Variants in NRG3 observed in about 807,000 individuals in gnomAD.
NRG3 encodes neuregulin 3.
NRG3 carries 31 observed loss-of-function variants against 66.9 expected under a neutral mutation model. That is an observed-to-expected ratio of 0.46 (90% CI 0.35 to 0.63). NRG3 has a LOEUF of 0.63. Ranked by LOEUF, NRG3 falls within the 20% of genes least tolerant of loss-of-function variation. The pLI is 0.00. For synonymous variants in NRG3, 393 were observed against 359.4 expected, an observed-to-expected ratio of 1.09 and a Z score of -1.06; for missense variants, 910 against 878.9, an observed-to-expected ratio of 1.04 and a Z score of -0.45.
chr10:81,943,026 A>T (rs1329004581), intron 1 of NRG3, among the ~76,000 whole-genome samples: 5 of 152,092 alleles, frequency 3.3e-5, no homozygotes, highest in Non-Finnish European at 7.4e-5. Context: ...TGTGTCACAT[A>T]ATTTACCTTA....
Position 82,292,045 on chromosome 10 carries a change from C to G in NRG3, c.824-66694C>G, listed in dbSNP as rs544591295. Among the ~76,000 whole-genome samples, 3 of 152,176 alleles carry G rather than the reference C, an allele frequency of 2.0e-5. No individual in the cohort carries two copies. The East Asian group carries it at 5.8e-4, about 29-fold the overall frequency. The stretch of plus-strand genomic sequence containing the variant: ...AAAGAATGAAAAAACAAAGTAAAGA[C>G]TGGGGGAAAATATTTGCAAACCACA... On this transcript the variant is annotated intron_variant, in intron 1 of 8. Transcript: ENST00000372141.
intron 3 of NRG3, among the ~76,000 whole-genome samples, chr10:82,766,828 T>A (rs1424375835): frequency 5.3e-5 from 8 of 151,880 alleles, no homozygotes; most frequent in South Asian, 2.1e-4. Flanking sequence ...GTCTTTTTTT[T>A]AATCTCTCTT....
chr10:82,823,483 C>T lies in NRG3; in HGVS notation c.1028-41928C>T, dbSNP rs542644132. On this transcript the variant is annotated intron_variant, in intron 3 of 8. Transcript: ENST00000372141. The stretch of plus-strand genomic sequence containing the variant: ...TGAACCTATCAGACTTGCTTCTAGG[C>T]TTATAGAGCTGAGAGAGTGGTGAGG... Among the ~76,000 whole-genome samples the T allele has an allele frequency of 2.0e-4, 30 of 152,230 alleles. No individual in the cohort carries two copies. The South Asian group carries it at 3.9e-3, about 20-fold the overall frequency.
At chr10:82,294,607 T>G (rs1399401026) in intron 1 of NRG3, among the ~76,000 whole-genome samples, 2 of 152,176 alleles carry the variant, frequency 1.3e-5, no homozygotes, top group African/African-American at 4.8e-5. Flanking sequence ...CAATGCACTT[T>G]AAATACTACT....
At chr10:82,677,229 T>G (rs2053768967) in intron 2 of NRG3, among the ~76,000 whole-genome samples, 1 of 151,952 alleles carries the variant, frequency 6.6e-6, no homozygotes, top group South Asian at 2.1e-4. Context: ...TTTTTGTACT[T>G]TTTGTAGAGA....
intron 2 of NRG3, among the ~76,000 whole-genome samples, chr10:82,434,698 A>G (rs1383421991): frequency 2.0e-5 from 3 of 152,132 alleles, no homozygotes; most frequent in African/African-American, 7.2e-5. Context: ...GCATCTATTG[A>G]AATAATCATG....
At position 82,494,862 on chromosome 10, in the gene NRG3, G is replaced by T. The variant is rs1843471414; in HGVS notation, c.953+135994G>T. Among the ~76,000 whole-genome samples the T allele has an allele frequency of 2.0e-5, 3 of 152,052 alleles. No homozygotes were observed. The South Asian group carries it at 6.2e-4, about 32-fold the overall frequency. Reference sequence around the variant, plus strand: ...GTGATTGAAAATAATATATGCATGTGAGACATTGGCAGCTAAGAACTTGGC... The same window carrying T: ...GTGATTGAAAATAATATATGCATGTTAGACATTGGCAGCTAAGAACTTGGC... On this transcript the variant is annotated intron_variant, in intron 2 of 8. Coordinates refer to ENST00000372141, the MANE Select transcript of NRG3 (RefSeq NM_001010848.4).
In NRG3 at chr10:82,081,358, A is replaced by C. The variant is rs552141571; in HGVS notation, c.823+205195A>C. 2.1e-4 allele frequency among the ~76,000 whole-genome samples: 32 copies of C among 152,294 alleles called. 1 individual carries two copies. The highest frequency in any genetic ancestry group is 2.0e-3 in the Admixed American group (31 of 15,306). On this transcript the variant is annotated intron_variant, in intron 1 of 8. Coordinates refer to ENST00000372141, the MANE Select transcript of NRG3 (RefSeq NM_001010848.4). Reference sequence around the variant, plus strand: ...AACTTTGAGGACTTTACATAGACAGAAATGTTCTGTCTCCTTTTTTTTTTC... The same window carrying C: ...AACTTTGAGGACTTTACATAGACAGCAATGTTCTGTCTCCTTTTTTTTTTC...
intron 1 of NRG3, among the ~76,000 whole-genome samples, chr10:82,146,949 A>G (rs1312391644): frequency 1.3e-5 from 2 of 152,182 alleles, no homozygotes; most frequent in African/African-American, 2.4e-5. Context: ...ATAAAAGGAA[A>G]GAACAGAATA....
intron 2 of NRG3, among the ~76,000 whole-genome samples, chr10:82,668,774 C>G (rs1386430432): frequency 6.6e-6 from 1 of 152,080 alleles, no homozygotes; most frequent in East Asian, 1.9e-4. Flanking sequence ...CTCGAAGGCT[C>G]TGGTGACCTT....
intron 1 of NRG3, among the ~76,000 whole-genome samples, chr10:82,247,555 C>T (rs572884999): frequency 3.9e-5 from 6 of 152,092 alleles, no homozygotes; most frequent in South Asian, 2.1e-4. Flanking sequence ...GAGACACAAA[C>T]CTTCAGTCCA....
intron 1 of NRG3, among the ~76,000 whole-genome samples, chr10:82,091,634 G>A (rs1460008677): frequency 2.0e-5 from 3 of 152,150 alleles, no homozygotes; most frequent in African/African-American, 7.2e-5. Context: ...TGTACAAACA[G>A]ATATTCGAGT....
At chr10:82,328,231 C>A (rs2081970084) in intron 1 of NRG3, among the ~76,000 whole-genome samples, 1 of 152,136 alleles carries the variant, frequency 6.6e-6, no homozygotes, top group Admixed American at 6.6e-5. Flanking sequence ...AGGAGAAGGG[C>A]CAGTATCTTC....
chr10:81,927,398 T>G (rs751536240), intron 1 of NRG3, among the ~76,000 whole-genome samples: 9 of 152,118 alleles, frequency 5.9e-5, no homozygotes, highest in Non-Finnish European at 8.8e-5. Context: ...TTACAACACC[T>G]TTGCTAAAAT....
At chr10:82,440,810 C>A (rs1301596687) in intron 2 of NRG3, among the ~76,000 whole-genome samples, 4 of 152,112 alleles carry the variant, frequency 2.6e-5, no homozygotes, top group African/African-American at 7.2e-5. Context: ...AAGTACTCTG[C>A]TTTTTCATAT....
At chr10:82,219,540 C>A (rs1032413966) in intron 1 of NRG3, among the ~76,000 whole-genome samples, 1 of 151,960 alleles carries the variant, frequency 6.6e-6, no homozygotes, top group Non-Finnish European at 1.5e-5. Flanking sequence ...TTTGGGCCCT[C>A]AATATATATT....
At chr10:82,978,491 A>G (rs1366791865) in intron 7 of NRG3, among the ~76,000 whole-genome samples, 1 of 152,242 alleles carries the variant, frequency 6.6e-6, no homozygotes, top group African/African-American at 2.4e-5. Flanking sequence ...TGTTAATTTT[A>G]TCGCTAATAA....
At chr10:82,877,036 AAAAG>A (rs1841889299) in intron 4 of NRG3, among the ~76,000 whole-genome samples, 3 of 152,020 alleles carry the variant, frequency 2.0e-5, no homozygotes, top group Non-Finnish European at 4.4e-5. Context: ...AAAAAAAAAA[AAAAG>A]AAAGAAAGTA....
At chr10:82,807,531 C>T (rs958912057) in intron 3 of NRG3, among the ~76,000 whole-genome samples, 1 of 152,178 alleles carries the variant, frequency 6.6e-6, no homozygotes, top group Non-Finnish European at 1.5e-5. Context: ...TGTGAACACA[C>T]ATCCATAGGA....
Sources: gnomAD v4.1 joint callset for allele counts (sites outside exome capture counted in the v4.1 genomes callset) on GRCh38, gnomAD v4.1.1 for gene constraint, MANE v1.5 for transcripts, NCBI Gene and HGNC (gene_info 2026-07-23, HGNC 2026-07-21) for gene names.